PCDH9: variants seen among roughly 807,000 people sequenced by gnomAD.
PCDH9 encodes the protein protocadherin 9, also known as protocadherin-9.
In PCDH9, 24 loss-of-function variants were observed where a neutral mutation model predicts 70.6. The ratio of observed to expected loss-of-function variants is 0.34; its 90% CI spans 0.25 to 0.48. The LOEUF (loss-of-function observed/expected upper bound fraction) is 0.48, where lower values mean the gene tolerates loss of function less well. PCDH9 is among the 20% of genes least tolerant of loss of function. PCDH9 has a pLI of 0.99. For synonymous variants in PCDH9, 562 were observed against 558.5 expected, an observed-to-expected ratio of 1.01 and a Z score of -0.09; for missense variants, 1,281 against 1,503.6, an observed-to-expected ratio of 0.85 and a Z score of 2.45.
At chr13:67,089,720 T>C (rs1000349743) in intron 2 of PCDH9, among the ~76,000 whole-genome samples, 5 of 152,050 alleles carry the variant, frequency 3.3e-5, no homozygotes, top group Non-Finnish European at 5.9e-5. Context: ...CTTTGGTCAA[T>C]AGTCAATCCT....
chr13:67,205,200 A>G (rs2089308173), intron 2 of PCDH9: 1 of 152,216 alleles, frequency 6.6e-6, no homozygotes, highest in South Asian at 2.1e-4. Context: ...ATTTTAACAA[A>G]GGAAACCCTG....
intron 4 of PCDH9, among the ~76,000 whole-genome samples, chr13:66,480,169 G>A (rs1958812184): frequency 6.6e-6 from 1 of 152,166 alleles, no homozygotes; most frequent in Admixed American, 6.5e-5. Flanking sequence ...AGATTACTTT[G>A]AGAGGTTCAA....
intron 4 of PCDH9, among the ~76,000 whole-genome samples, chr13:66,338,625 G>A (rs1956076090): frequency 6.6e-6 from 1 of 151,756 alleles, no homozygotes; most frequent in African/African-American, 2.4e-5. Flanking sequence ...AATTTATTGT[G>A]AAAAGTGTGT....
intron 3 of PCDH9, among the ~76,000 whole-genome samples, chr13:66,758,381 C>T (rs974176970): frequency 2.0e-5 from 3 of 151,990 alleles, no homozygotes; most frequent in African/African-American, 7.2e-5. Context: ...TTGGAAATCA[C>T]CATTTTACTC....
chr13:66,350,699 C>T (rs1278436013), intron 4 of PCDH9, among the ~76,000 whole-genome samples: 1 of 152,186 alleles, frequency 6.6e-6, no homozygotes, highest in Non-Finnish European at 1.5e-5. Context: ...GAAAATCTGA[C>T]ACTTCTCATC....
chr13:66,322,244 G>A (rs1955768843), intron 4 of PCDH9, among the ~76,000 whole-genome samples: 1 of 151,880 alleles, frequency 6.6e-6, no homozygotes. Flanking sequence ...ATGGAGAAAA[G>A]CCAAGCCATT....
At chr13:66,780,258 T>C (rs927417760) in intron 3 of PCDH9, among the ~76,000 whole-genome samples, 9 of 152,178 alleles carry the variant, frequency 5.9e-5, no homozygotes, top group Non-Finnish European at 1.0e-4. Flanking sequence ...AAAGGAAAGT[T>C]TGTTGATGGA....
chr13:66,720,161 A>ATT (rs67065154), intron 3 of PCDH9, among the ~76,000 whole-genome samples: 15 of 149,702 alleles, frequency 1.0e-4, no homozygotes, highest in African/African-American at 1.7e-4. Flanking sequence ...TTTTATTTTT[A>ATT]TTTTTTTTTG....
intron 2 of PCDH9, among the ~76,000 whole-genome samples, chr13:67,053,809 G>A (rs922163011): frequency 6.6e-6 from 1 of 152,142 alleles, no homozygotes; most frequent in Admixed American, 6.5e-5. Context: ...AAAATCTCAT[G>A]ATTACTTGAA....
At chr13:66,703,624 G>A (rs927964369) in intron 3 of PCDH9, among the ~76,000 whole-genome samples, 1 of 152,144 alleles carries the variant, frequency 6.6e-6, no homozygotes, top group South Asian at 2.1e-4. Context: ...CTTGCAGGGC[G>A]TGGTGGCTCA....
At chr13:67,222,786 C>T (rs1281920438) in intron 2 of PCDH9, 2 of 151,986 alleles carry the variant, frequency 1.3e-5, no homozygotes, top group African/African-American at 4.8e-5. Flanking sequence ...TATATAAAAG[C>T]CACTAGTTAA....
At chr13:66,745,368 G>A (rs1413191218) in intron 3 of PCDH9, among the ~76,000 whole-genome samples, 6 of 152,108 alleles carry the variant, frequency 3.9e-5, no homozygotes, top group Non-Finnish European at 8.8e-5. Context: ...TAGGGCAGAC[G>A]AGTGCCATCT....
At chr13:66,656,556 A>G (rs1043300772) in intron 3 of PCDH9, among the ~76,000 whole-genome samples, 1 of 152,138 alleles carries the variant, frequency 6.6e-6, no homozygotes, top group African/African-American at 2.4e-5. Flanking sequence ...TCCAGCTGTG[A>G]AAGTGATGCC....
chr13:66,498,753 C>T (rs552987731), intron 4 of PCDH9, among the ~76,000 whole-genome samples: 1 of 152,086 alleles, frequency 6.6e-6, no homozygotes, highest in South Asian at 2.1e-4. Context: ...TGTGGTATCC[C>T]GTATTAAGTG....
At chr13:67,181,153 G>C (rs1202193843) in intron 2 of PCDH9, among the ~76,000 whole-genome samples, 1 of 152,160 alleles carries the variant, frequency 6.6e-6, no homozygotes, top group Non-Finnish European at 1.5e-5. Context: ...TGGTTTTCTA[G>C]ATCAGTGGTT....
intron 2 of PCDH9, among the ~76,000 whole-genome samples, chr13:66,931,967 T>C (rs990182048): frequency 6.6e-6 from 1 of 152,120 alleles, no homozygotes. Context: ...TGTGTGGGTG[T>C]ATGTGTTTGC....
rs570865828 is a variant in PCDH9, at chr13:66,604,672, G to A, written c.3340+26538C>T. The stretch of plus-strand genomic sequence containing the variant: ...AATAACTTCAAAAAGTTGTTTACAA[G>A]AGCTATTTTATTTAATGAGAACTGA... On this transcript the variant is annotated intron_variant, in intron 4 of 4. Transcript: ENST00000377865. Among the ~76,000 whole-genome samples the A allele has an allele frequency of 2.6e-5, 4 of 152,118 alleles. No homozygotes were observed. In the East Asian group the frequency reaches 7.7e-4, roughly 29 times the overall value.
chr13:66,421,335 A>G (rs1957563226), intron 4 of PCDH9, among the ~76,000 whole-genome samples: 1 of 152,148 alleles, frequency 6.6e-6, no homozygotes, highest in Non-Finnish European at 1.5e-5. Context: ...AACATCACAA[A>G]GATACTTCTC....
chr13:67,107,271 C>CT (rs1366487007), intron 2 of PCDH9, among the ~76,000 whole-genome samples: 3 of 129,260 alleles, frequency 2.3e-5, no homozygotes, highest in African/African-American at 8.9e-5. Flanking sequence ...CCGTGTCAGC[C>CT]GAAGCATGGG....
Sources: allele counts gnomAD v4.1 joint callset (sites outside exome capture counted in the v4.1 genomes callset), GRCh38; gene constraint gnomAD v4.1.1; transcripts MANE v1.5; gene names NCBI Gene and HGNC (gene_info 2026-07-23, HGNC 2026-07-21).